GALNT13: variants seen among roughly 807,000 people sequenced by gnomAD.
GALNT13 encodes the protein UDP-GalNAc:polypeptide N-acetylgalactosaminyltransferase 13.
A neutral mutation model predicts 64.2 loss-of-function variants in GALNT13; 28 were observed. The observed-to-expected ratio is 0.44, with a 90% CI of 0.32 to 0.60. The LOEUF (loss-of-function observed/expected upper bound fraction) is 0.60, where lower values mean the gene tolerates loss of function less well. Ranked by LOEUF, GALNT13 falls within the 20% of genes least tolerant of loss-of-function variation. GALNT13 has a pLI of 0.05. For missense variants in GALNT13, 577 were observed against 669.8 expected, an observed-to-expected ratio of 0.86 and a Z score of 1.53; for synonymous variants, 214 against 224.6, an observed-to-expected ratio of 0.95 and a Z score of 0.42.
At chr2:153,980,253 C>T (rs1313015280) in intron 3 of GALNT13, among the ~76,000 whole-genome samples, 1 of 151,960 alleles carries the variant, frequency 6.6e-6, no homozygotes, top group African/African-American at 2.4e-5. Flanking sequence ...CAGTGGAGCA[C>T]CACTGAAGGA....
chr2:153,727,579 G>A, the GALNT13 span, among the ~76,000 whole-genome samples: 2,468 of 152,132 alleles, frequency 0.016, 70 homozygotes, highest in East Asian at 0.13. Flanking sequence ...CCATCCATAC[G>A]ACTCATCTAT....
chr2:153,957,517 T>A (rs568395458), intron 3 of GALNT13, among the ~76,000 whole-genome samples: 1 of 152,260 alleles, frequency 6.6e-6, no homozygotes, highest in South Asian at 2.1e-4. Context: ...GAAGGTTAGC[T>A]CTAGAATTGA....
chr2:153,653,258 G>C, the GALNT13 span, among the ~76,000 whole-genome samples: 4 of 152,140 alleles, frequency 2.6e-5, no homozygotes, highest in Admixed American at 1.3e-4. Flanking sequence ...GAAGTCAAGT[G>C]ATTCAAGCTC....
At chr2:153,133,445 G>A in the GALNT13 span, among the ~76,000 whole-genome samples, 2 of 152,024 alleles carry the variant, frequency 1.3e-5, no homozygotes, top group African/African-American at 4.8e-5. Context: ...CAGTGAGAAG[G>A]GGACCTGTTA....
chr2:153,114,497 T>A, the GALNT13 span, among the ~76,000 whole-genome samples: 1 of 152,142 alleles, frequency 6.6e-6, no homozygotes, highest in East Asian at 1.9e-4. Flanking sequence ...TCATCCTTAA[T>A]TGATTTGAAG....
intron 9 of GALNT13, among the ~76,000 whole-genome samples, chr2:154,306,503 A>G (rs1161599329): frequency 6.6e-6 from 1 of 152,042 alleles, no homozygotes; most frequent in Non-Finnish European, 1.5e-5. Context: ...GGGAATTGCA[A>G]TAGATAAAGA....
chr2:154,144,150 A>G (rs1419136010), intron 4 of GALNT13, among the ~76,000 whole-genome samples: 1 of 152,148 alleles, frequency 6.6e-6, no homozygotes, highest in Non-Finnish European at 1.5e-5. Flanking sequence ...AGTATATGTT[A>G]TAAGTAAGAA....
chr2:153,090,930 C>T, the GALNT13 span, among the ~76,000 whole-genome samples: 1 of 151,430 alleles, frequency 6.6e-6, no homozygotes, highest in Non-Finnish European at 1.5e-5. Flanking sequence ...TCACCCAGGT[C>T]CTACGCAGTT....
the GALNT13 span, among the ~76,000 whole-genome samples, chr2:153,826,671 GC>G: frequency 0.037 from 5,619 of 150,626 alleles, 166 homozygotes; most frequent in East Asian, 0.13. Flanking sequence ...ATTTTTAATG[GC>G]CCCTATAGCT....
the GALNT13 span, among the ~76,000 whole-genome samples, chr2:153,071,878 G>A: frequency 6.6e-6 from 1 of 152,100 alleles, no homozygotes; most frequent in Admixed American, 6.6e-5. Flanking sequence ...ATGTGGCCCA[G>A]AAAGCCTAAA....
At chr2:154,184,872 A>G (rs911890133) in intron 4 of GALNT13, among the ~76,000 whole-genome samples, 1 of 152,180 alleles carries the variant, frequency 6.6e-6, no homozygotes, top group Non-Finnish European at 1.5e-5. Flanking sequence ...CTTTTATATT[A>G]GAATTAAAAG....
intron 3 of GALNT13, among the ~76,000 whole-genome samples, chr2:154,057,283 C>A (rs1287322676): frequency 6.6e-6 from 1 of 152,102 alleles, no homozygotes; most frequent in Non-Finnish European, 1.5e-5. Flanking sequence ...CCTGCCTCGG[C>A]CCCCCAAAGT....
At chr2:153,474,100 G>A in the GALNT13 span, among the ~76,000 whole-genome samples, 1 of 152,188 alleles carries the variant, frequency 6.6e-6, no homozygotes, top group Non-Finnish European at 1.5e-5. Flanking sequence ...ATTTCCAGTA[G>A]AGGAGCACTT....
At chr2:153,868,398 G>T (rs1461837703), upstream of GALNT13, among the ~76,000 whole-genome samples, 1 of 152,140 alleles carries the variant, frequency 6.6e-6, no homozygotes, top group Admixed American at 6.6e-5. Context: ...TCAATGAGAA[G>T]CCACTTAAAT....
intron 2 of GALNT13, among the ~76,000 whole-genome samples, chr2:153,919,558 T>C (rs1224860613): frequency 1.3e-5 from 2 of 151,996 alleles, no homozygotes; most frequent in African/African-American, 4.8e-5. Context: ...TTCTAGATTA[T>C]AAACCGTGAG....
At chr2:153,781,972 G>A in the GALNT13 span, among the ~76,000 whole-genome samples, 9 of 152,176 alleles carry the variant, frequency 5.9e-5, no homozygotes, top group South Asian at 2.1e-4. Context: ...TGTGACCTGC[G>A]TGGACAGGTC....
chr2:154,359,478 G>A (rs566998457), intron 9 of GALNT13, among the ~76,000 whole-genome samples: 1 of 152,180 alleles, frequency 6.6e-6, no homozygotes, highest in East Asian at 1.9e-4. Context: ...TCACCTACTG[G>A]AGGCTTCCTA....
At chr2:153,624,730 C>T in the GALNT13 span, among the ~76,000 whole-genome samples, 3 of 151,288 alleles carry the variant, frequency 2.0e-5, no homozygotes, top group Admixed American at 6.6e-5. Flanking sequence ...TTGTGGTCTG[C>T]TCTAACAAAG....
chr2:154,118,366 G>C (rs1187899667), intron 3 of GALNT13, among the ~76,000 whole-genome samples: 1 of 138,070 alleles, frequency 7.2e-6, no homozygotes, highest in Non-Finnish European at 1.6e-5. Flanking sequence ...AGATTCACTT[G>C]TGTGGAATAT....
Sources: gnomAD v4.1 joint callset for allele counts (sites outside exome capture counted in the v4.1 genomes callset) on GRCh38, gnomAD v4.1.1 for gene constraint, MANE v1.5 for transcripts, NCBI Gene and HGNC (gene_info 2026-07-23, HGNC 2026-07-21) for gene names.